The following ZNF431 variants were observed in gnomAD, a reference collection of about 807,000 sequenced individuals.
ZNF431 encodes zinc finger protein 431.
ZNF431 carries 34 observed loss-of-function variants against 57.0 expected under a neutral mutation model. That is an observed-to-expected ratio of 0.60 (90% CI 0.45 to 0.79). ZNF431 has a LOEUF of 0.79. Among genes scored for constraint, ZNF431 ranks in the 30% least tolerant of loss-of-function variants. The pLI is 0.00. For synonymous variants in ZNF431, 207 were observed against 220.3 expected, an observed-to-expected ratio of 0.94 and a Z score of 0.54; for missense variants, 607 against 667.1, an observed-to-expected ratio of 0.91 and a Z score of 0.99.
intron 2 of ZNF431, among the ~76,000 whole-genome samples, chr19:21,145,089 G>A (rs1402049786): frequency 7.8e-5 from 1 of 12,838 alleles, no homozygotes; most frequent in East Asian, 1.2e-3. Flanking sequence ...CAAACACATA[G>A]TTTCGAAAAC....
At chr19:21,168,431 A>G (rs1358753627) in intron 4 of ZNF431, among the ~76,000 whole-genome samples, 2 of 152,088 alleles carry the variant, frequency 1.3e-5, no homozygotes, top group Non-Finnish European at 1.5e-5. Flanking sequence ...CAGTGGCACA[A>G]TCTTGGCTCA....
rs919624416 is a variant in ZNF431 at position 21,187,982 on chromosome 19, C to G, written c.*3948C>G. On this transcript the variant is annotated 3_prime_UTR_variant, in exon 5 of 5. Transcript: ENST00000311048. ...GCTTATCAGAACAGTTAAAAGGCAGCCAGGTGTGGCTCACGCCTGTAATCC... is the reference window on the plus strand; with the variant it reads ...GCTTATCAGAACAGTTAAAAGGCAGGCAGGTGTGGCTCACGCCTGTAATCC... 6.6e-5 allele frequency: 10 copies of G among 151,512 alleles called. No individual in the cohort carries two copies. The highest frequency in any genetic ancestry group is 4.6e-4 in the Admixed American group (7 of 15,240). 9.4% of individuals were successfully genotyped at this position (151,512 alleles called of 1,614,324 possible).
At position 21,187,085 on chromosome 19, in the gene ZNF431, T is replaced by C. The variant is rs1253434402; in HGVS notation, c.*3051T>C. 1 of 152,162 alleles carries C rather than the reference T, an allele frequency of 6.6e-6. No individual in the cohort carries two copies. The highest frequency in any genetic ancestry group is 2.4e-5 in the African/African-American group (1 of 41,446). 9.4% of individuals were successfully genotyped at this position (152,162 alleles called of 1,614,324 possible). A position where few individuals can be genotyped will look rare whatever the true frequency, so the allele number is the denominator to read the frequency against. Reference sequence around the variant, plus strand: ...CATAAATATTCCTGCTGAAGTTAGTTTGTAACTTCAAGTCAAAGATGAAAA... The same window carrying C: ...CATAAATATTCCTGCTGAAGTTAGTCTGTAACTTCAAGTCAAAGATGAAAA... On this transcript the variant is annotated 3_prime_UTR_variant, in exon 5 of 5. Transcript: ENST00000311048.
chr19:21,166,511 G>A (rs2144994031), intron 3 of ZNF431, 50 bp downstream of exon 3: 1 of 1,521,578 alleles, frequency 6.6e-7, no homozygotes, highest in Non-Finnish European at 8.8e-7. Context: ...AATGTTTCAT[G>A]TCTCTTTTTT....
chr19:21,178,793 T>TTG (rs61125024), intron 4 of ZNF431, among the ~76,000 whole-genome samples: 70,030 of 148,394 alleles, frequency 0.47, 16,478 homozygotes, highest in East Asian at 0.66. Context: ...ACTTGAAGGT[T>TTG]TGTGTGTGTG....
rs751272154 is a variant in ZNF431, at chr19:21,193,840, A to G, written c.*9806A>G. On this transcript the variant is annotated 3_prime_UTR_variant, in exon 5 of 5. Coordinates refer to ENST00000311048, the MANE Select transcript of ZNF431 (RefSeq NM_133473.4). ...AAGCATTCAAGAAAATCCAGTATTC[A>G]TTTATGAAAATATTCTCTAAGCAAT... The G allele has an allele frequency of 1.4e-4, 21 of 152,334 alleles. No individual in the cohort carries two copies. The highest frequency in any genetic ancestry group is 4.1e-4 in the South Asian group (2 of 4,834). The allele number at this position is 152,334 out of a possible 1,614,324, so 9.4% of individuals were successfully genotyped here.
Position 21,186,421 on chromosome 19 carries a change from G to A in ZNF431, c.*2387G>A, listed in dbSNP as rs190561477. 6.6e-6 allele frequency: 1 copy of A among 152,194 alleles called. No individual in the cohort carries two copies. Among genetic ancestry groups the A allele is most frequent in the South Asian group, 2.1e-4 (1 of 4,828 alleles). The allele number at this position is 152,194 out of a possible 1,614,324, so 9.4% of individuals were successfully genotyped here. On this transcript the variant is annotated 3_prime_UTR_variant, in exon 5 of 5. Transcript: ENST00000311048. ...GTTAGTCTAAAGACAAATCTTAGGT[G>A]TAAGAAAATTATGGAGTTAAGTATG...
chr19:21,142,593 A>C (rs553654956), intron 1 of ZNF431, among the ~76,000 whole-genome samples: 1 of 152,296 alleles, frequency 6.6e-6, no homozygotes, highest in Non-Finnish European at 1.5e-5. Context: ...AATATATGGG[A>C]GTCACTATAA....
chr19:21,149,229 G>T (rs1299191428), intron 2 of ZNF431, among the ~76,000 whole-genome samples: 1 of 152,062 alleles, frequency 6.6e-6, no homozygotes, highest in African/African-American at 2.4e-5. Context: ...AGAATCTACT[G>T]GCTTCAAGAT....
intron 2 of ZNF431, among the ~76,000 whole-genome samples, chr19:21,160,907 T>C (rs1190653749): frequency 2.0e-5 from 3 of 152,112 alleles, no homozygotes; most frequent in Non-Finnish European, 4.4e-5. Context: ...CGGTGGATCA[T>C]GCCTGTAATC....
chr19:21,160,951 C>T (rs185370791), intron 2 of ZNF431, among the ~76,000 whole-genome samples: 13 of 152,184 alleles, frequency 8.5e-5, no homozygotes, highest in African/African-American at 2.6e-4. Flanking sequence ...GGGTGGATCA[C>T]GAGGTCAAAA....
At chr19:21,150,020 G>A in intron 2 of ZNF431, 1 of 592,148 alleles carries the variant, frequency 1.7e-6, no homozygotes, top group Non-Finnish European at 3.2e-6. Context: ...GGTGGTGACA[G>A]TGTTAATTCC....
intron 2 of ZNF431, among the ~76,000 whole-genome samples, chr19:21,164,013 G>T (rs922697666): frequency 6.6e-6 from 1 of 151,044 alleles, no homozygotes; most frequent in African/African-American, 2.4e-5. Context: ...CCTGGGAGGC[G>T]GATGTTGCAG....
intron 4 of ZNF431, among the ~76,000 whole-genome samples, chr19:21,182,009 T>G (rs1426439144): frequency 2.6e-5 from 4 of 152,176 alleles, no homozygotes; most frequent in Non-Finnish European, 4.4e-5. Context: ...TGTCTAAAAT[T>G]TTGTGTTTAT....
At chr19:21,153,331 G>T (rs572993870) in intron 2 of ZNF431, among the ~76,000 whole-genome samples, 8 of 152,178 alleles carry the variant, frequency 5.3e-5, no homozygotes, top group African/African-American at 1.9e-4. Flanking sequence ...CAGCCCAGTG[G>T]GTCTCAGCGT....
chr19:21,154,866 TGTTTG>T (rs1232029667), intron 2 of ZNF431, among the ~76,000 whole-genome samples: 1 of 115,008 alleles, frequency 8.7e-6, no homozygotes, highest in African/African-American at 2.6e-5. Context: ...TTGATGGGGT[TGTTTG>T]TTTTTTTCTT....
Position 21,180,392 on chromosome 19 carries a change from C to G in ZNF431, c.320-2231C>G, listed in dbSNP as rs118062805. Among the ~76,000 whole-genome samples, 24 of 152,274 alleles carry G rather than the reference C, an allele frequency of 1.6e-4. No homozygotes were observed. The East Asian group carries it at 4.6e-3, about 29-fold the overall frequency. ...GCCTGGTGGTGATGTGCTCCCTCAG[C>G]ATTTGCTTGTCTGAAAAGAATTTTA... On this transcript the variant is annotated intron_variant, in intron 4 of 4. Coordinates refer to ENST00000311048, the MANE Select transcript of ZNF431 (RefSeq NM_133473.4).
intron 4 of ZNF431, among the ~76,000 whole-genome samples, chr19:21,170,858 A>T (rs1176104572): frequency 6.6e-6 from 1 of 152,090 alleles, no homozygotes; most frequent in African/African-American, 2.4e-5. Flanking sequence ...TATTTTTAGT[A>T]GAGTCGGGGT....
chr19:21,165,794 A>G (rs1970704311), intron 2 of ZNF431, among the ~76,000 whole-genome samples: 1 of 152,150 alleles, frequency 6.6e-6, no homozygotes, highest in Non-Finnish European at 1.5e-5. Flanking sequence ...ACATTGGGAA[A>G]AACACAGTCT....
Sources: allele counts gnomAD v4.1 joint callset (sites outside exome capture counted in the v4.1 genomes callset), GRCh38; gene constraint gnomAD v4.1.1; transcripts MANE v1.5; gene names NCBI Gene and HGNC (gene_info 2026-07-23, HGNC 2026-07-21).